PHLDB2: variants seen among roughly 807,000 people sequenced by gnomAD.
PHLDB2 encodes the protein pleckstrin homology like domain family B member 2.
In PHLDB2, 71 loss-of-function variants were observed where a neutral mutation model predicts 123.6. The observed-to-expected ratio is 0.57, with a 90% confidence interval of 0.47 to 0.70. The LOEUF is 0.70. PHLDB2 is among the 30% of genes least tolerant of loss of function. The pLI, the probability that PHLDB2 is intolerant of heterozygous loss-of-function variation, is 0.00. For synonymous variants in PHLDB2, 547 were observed against 541.6 expected, an observed-to-expected ratio of 1.01 and a Z score of -0.14; for missense variants, 1,446 against 1,519.5, an observed-to-expected ratio of 0.95 and a Z score of 0.80.
intron 2 of PHLDB2, among the ~76,000 whole-genome samples, chr3:111,901,433 C>T (rs942263422): frequency 6.6e-6 from 1 of 151,002 alleles, no homozygotes; most frequent in Non-Finnish European, 1.5e-5. Flanking sequence ...ATAGTACTTT[C>T]AGTTGTTATG....
At chr3:111,741,925 C>T (rs2059611332) in intron 1 of PHLDB2, among the ~76,000 whole-genome samples, 1 of 152,258 alleles carries the variant, frequency 6.6e-6, no homozygotes, top group South Asian at 2.1e-4. Flanking sequence ...GAATTTTATA[C>T]CCCATTACCA....
chr3:111,821,496 G>A (rs1189567289), intron 1 of PHLDB2, among the ~76,000 whole-genome samples: 1 of 152,198 alleles, frequency 6.6e-6, no homozygotes, highest in Non-Finnish European at 1.5e-5. Flanking sequence ...GTAGCTCGAG[G>A]CCAAAGGTAG....
chr3:111,948,966 G>A lies in PHLDB2; in HGVS notation c.2522G>A (p.Cys841Tyr). 6.2e-7 allele frequency: 1 copy of A among 1,614,004 alleles called. No individual in the cohort carries two copies. The change falls in exon 10 of 18, where the codon TGT becomes TAT. Residue 841 changes from cysteine to tyrosine, a missense_variant. This residue lies in a region of PHLDB2 where 594 missense variants were observed against 646.0 expected (regional missense o/e 0.92). Transcript: ENST00000431670. ...AGTGTAAATGAGATTAATGAGCCGTGTGGCAATTCCACGAATCTATCCCCT... is the reference window on the plus strand; with the variant it reads ...AGTGTAAATGAGATTAATGAGCCGTATGGCAATTCCACGAATCTATCCCCT... ...YISVNEINEP[C>Y]GNSTNLSPST...
intron 17 of PHLDB2, 48 bp downstream of exon 17, chr3:111,973,865 A>G (rs765957885): frequency 3.0e-5 from 35 of 1,159,552 alleles, no homozygotes; most frequent in South Asian, 1.3e-4. Context: ...CATAATTAAG[A>G]AGGGAAAAAT....
At chr3:111,952,488 TG>T in intron 10 of PHLDB2, 83 bp from the exon 11 acceptor site, 1 of 1,460,924 alleles carries the variant, frequency 6.8e-7, no homozygotes. Flanking sequence ...CAGTTTTTTT[TG>T]TAAGTGCATA....
intron 1 of PHLDB2, among the ~76,000 whole-genome samples, chr3:111,755,598 A>G (rs941768702): frequency 1.7e-3 from 249 of 146,992 alleles, no homozygotes; most frequent in Non-Finnish European, 2.4e-3. Context: ...CTTTCAAAAA[A>G]CCAGCTCCTG....
At chr3:111,815,361 G>A (rs1315936582) in intron 1 of PHLDB2, among the ~76,000 whole-genome samples, 1 of 152,170 alleles carries the variant, frequency 6.6e-6, no homozygotes, top group Admixed American at 6.5e-5. Context: ...AATAAGACAG[G>A]AAAATGTGGG....
At chr3:111,758,019 G>T (rs942626558) in intron 1 of PHLDB2, among the ~76,000 whole-genome samples, 3 of 152,154 alleles carry the variant, frequency 2.0e-5, no homozygotes, top group Non-Finnish European at 2.9e-5. Flanking sequence ...CTACTGGGGG[G>T]TGCCTCCCAG....
chr3:111,844,624 T>C (rs9847568), intron 1 of PHLDB2, among the ~76,000 whole-genome samples: 22,283 of 152,240 alleles, frequency 0.15, 1,840 homozygotes, highest in Admixed American at 0.18. Flanking sequence ...CTTATTTTTC[T>C]ACCTCCAATT....
Position 111,919,039 on chromosome 3 carries a change from T to C in PHLDB2, c.1720-33T>C. The C allele has an allele frequency of 3.1e-6, 5 of 1,607,600 alleles. No individual in the cohort carries two copies. The South Asian group carries it at 4.4e-5, about 14-fold the overall frequency. On this transcript the variant is annotated intron_variant, in intron 3 of 17. Transcript: ENST00000431670. ...GTTGGGAAATTCTAGAACTGAGGTG[T>C]GAATAATCCATTTCTGTGTTGATTA...
At chr3:111,783,744 G>A (rs1447120052) in intron 1 of PHLDB2, among the ~76,000 whole-genome samples, 6 of 152,122 alleles carry the variant, frequency 3.9e-5, no homozygotes, top group Non-Finnish European at 5.9e-5. Flanking sequence ...AATATTAAAA[G>A]CCAATTTGTG....
chr3:111,822,755 C>T (rs1159143164), intron 1 of PHLDB2, among the ~76,000 whole-genome samples: 1 of 152,130 alleles, frequency 6.6e-6, no homozygotes, highest in East Asian at 1.9e-4. Context: ...GTCCAAATTC[C>T]CTGCTTGGGA....
intron 2 of PHLDB2, among the ~76,000 whole-genome samples, chr3:111,904,751 A>G (rs72938276): frequency 0.02 from 3,059 of 152,242 alleles, 105 homozygotes; most frequent in African/African-American, 0.068. Flanking sequence ...AGAAGGGATA[A>G]TCAATAGAGC....
intron 5 of PHLDB2, among the ~76,000 whole-genome samples, chr3:111,921,418 T>C (rs1429381975): frequency 1.3e-5 from 2 of 152,190 alleles, no homozygotes; most frequent in Non-Finnish European, 2.9e-5. Flanking sequence ...CTTTTTAGGC[T>C]CTTATTTGTT....
chr3:111,835,989 G>A (rs1397775970), intron 1 of PHLDB2, among the ~76,000 whole-genome samples: 2 of 152,170 alleles, frequency 1.3e-5, no homozygotes, highest in African/African-American at 2.4e-5. Context: ...ACCTCATGAT[G>A]GAGGGCTGCC....
rs1034844038 is a variant in PHLDB2 at position 111,962,133 on chromosome 3, A to G, written c.2898A>G (p.Glu966=). 7.0e-6 allele frequency: 11 copies of G among 1,581,092 alleles called. No individual in the cohort carries two copies. The highest frequency in any genetic ancestry group is 2.1e-5 in the Admixed American group (1 of 48,086). Reference sequence around the variant, plus strand: ...GTTATAATCACCAACAGATGAGTGAAGGACACAGGCAGAAATCTGAATTTT... The same window carrying G: ...GTTATAATCACCAACAGATGAGTGAGGGACACAGGCAGAAATCTGAATTTT... ...LRGYNHQQMS[E]GHRQKSEFYN... is the part of the protein sequence containing the mutation. The change falls in exon 13 of 18, where the codon GAA becomes GAG. Residue 966 remains glutamate, a synonymous_variant. Transcript: ENST00000431670.
At chr3:111,960,900 G>A (rs78852986) in intron 12 of PHLDB2, among the ~76,000 whole-genome samples, 108 of 152,308 alleles carry the variant, frequency 7.1e-4, no homozygotes, top group Non-Finnish European at 1.4e-3. Context: ...GCCTGCTTCT[G>A]AGTCTATGAT....
chr3:111,766,476 A>G (rs2060083574), intron 1 of PHLDB2, among the ~76,000 whole-genome samples: 1 of 151,798 alleles, frequency 6.6e-6, no homozygotes, highest in Admixed American at 6.6e-5. Flanking sequence ...GATGAAATCT[A>G]AGAAACCTTA....
chr3:111,811,061 G>A, intron 1 of PHLDB2, among the ~76,000 whole-genome samples: 1 of 152,184 alleles, frequency 6.6e-6, no homozygotes, highest in East Asian at 1.9e-4. Flanking sequence ...TAATCTGTAA[G>A]CAGAGCCAAA....
Sources: gnomAD v4.1 joint callset for allele counts (sites outside exome capture counted in the v4.1 genomes callset) on GRCh38, gnomAD v4.1.1 for gene constraint, gnomAD v4.1.1 regional missense constraint, MANE v1.5 for transcripts, NCBI Gene and HGNC (gene_info 2026-07-23, HGNC 2026-07-21) for gene names.